The following CHRM3 variants were observed in gnomAD, a reference collection of about 807,000 sequenced individuals.
CHRM3 encodes cholinergic receptor muscarinic 3.
In CHRM3, 11 loss-of-function variants were observed where a neutral mutation model predicts 41.8. The observed-to-expected ratio is 0.26, with a 90% CI of 0.17 to 0.44. The LOEUF is 0.44. Ranked by LOEUF, CHRM3 falls within the 20% of genes least tolerant of loss-of-function variation. CHRM3 has a pLI of 1.00. For missense variants in CHRM3, 571 were observed against 745.4 expected (o/e 0.77, Z 2.72); for synonymous variants, 297 against 301.4 (o/e 0.99, Z 0.15).
chr1:239,438,737 A>G (rs1663467849), intron 1 of CHRM3, among the ~76,000 whole-genome samples: 1 of 152,204 alleles, frequency 6.6e-6, no homozygotes, highest in Admixed American at 6.5e-5. Flanking sequence ...CTTGTAAAGA[A>G]CATCGAGGCT....
At chr1:239,481,718 A>C (rs1666866281) in intron 1 of CHRM3, among the ~76,000 whole-genome samples, 1 of 152,190 alleles carries the variant, frequency 6.6e-6, no homozygotes. Context: ...TGATATTTGA[A>C]CAGCTAATTA....
intron 3 of CHRM3, among the ~76,000 whole-genome samples, chr1:239,590,061 G>A (rs758340809): frequency 5.3e-5 from 8 of 151,960 alleles, no homozygotes; most frequent in Non-Finnish European, 1.0e-4. Flanking sequence ...GATGGTCTTG[G>A]ACCTAAAATC....
chr1:239,866,144 G>A (rs1023306306), intron 6 of CHRM3, among the ~76,000 whole-genome samples: 4 of 152,122 alleles, frequency 2.6e-5, no homozygotes, highest in Non-Finnish European at 5.9e-5. Context: ...TTGGGAGGCC[G>A]GGGCGGGCGG....
rs190047615 is a variant in CHRM3 at position 239,639,293 on chromosome 1, C to A, written c.-250+7007C>A. On this transcript the variant is annotated intron_variant, in intron 4 of 6. Transcript: ENST00000676153. ...AACTTTAAAGTAGTTTTTTCCAATT[C>A]TGTGAAGAAAGTCATTGGTAGCTTG... Among the ~76,000 whole-genome samples, 882 of 152,256 alleles carry A rather than the reference C, an allele frequency of 5.8e-3. 12 individuals are homozygous for A. The highest frequency in any genetic ancestry group is 0.02 in the African/African-American group (831 of 41,536).
intron 6 of CHRM3, among the ~76,000 whole-genome samples, chr1:239,836,304 C>G (rs1232016068): frequency 2.6e-5 from 4 of 152,176 alleles, no homozygotes; most frequent in Non-Finnish European, 1.5e-5. Flanking sequence ...GTGTGTTTTT[C>G]TCCATTCTGT....
intron 4 of CHRM3, among the ~76,000 whole-genome samples, chr1:239,652,342 T>C (rs1336777426): frequency 6.6e-6 from 1 of 152,178 alleles, no homozygotes; most frequent in African/African-American, 2.4e-5. Flanking sequence ...TTAAAGCACA[T>C]AGATCTTGGT....
At position 239,490,363 on chromosome 1, in the gene CHRM3, A is replaced by T. The variant is rs536699180; in HGVS notation, c.-520-2346A>T. Among the ~76,000 whole-genome samples, 413 of 152,280 alleles carry T rather than the reference A, an allele frequency of 2.7e-3. 4 individuals are homozygous for T. The highest frequency in any genetic ancestry group is 9.2e-3 in the African/African-American group (384 of 41,540). ...CTAAATTTATTTATGAAATAAGTGA[A>T]AGGAGCAAACAAAGGTCAAGTCTCA... On this transcript the variant is annotated intron_variant, in intron 1 of 6. Coordinates refer to ENST00000676153, the MANE Select transcript of CHRM3 (RefSeq NM_001375978.1).
At chr1:239,428,488 C>T (rs1662571553) in intron 1 of CHRM3, among the ~76,000 whole-genome samples, 1 of 152,152 alleles carries the variant, frequency 6.6e-6, no homozygotes, top group Non-Finnish European at 1.5e-5. Flanking sequence ...GGGAACAACC[C>T]TATGGAGTAT....
chr1:239,761,252 A>G (rs1275149155), intron 5 of CHRM3, among the ~76,000 whole-genome samples: 1 of 152,084 alleles, frequency 6.6e-6, no homozygotes, highest in Non-Finnish European at 1.5e-5. Context: ...TATGCCTTAT[A>G]TGATTTTCCT....
chr1:239,618,903 T>A (rs529771536), intron 3 of CHRM3, among the ~76,000 whole-genome samples: 6 of 124,088 alleles, frequency 4.8e-5, no homozygotes, highest in African/African-American at 1.9e-4. Context: ...CTCTCTTTTT[T>A]ATGATTTATT....
At chr1:239,750,090 T>C (rs978553015) in intron 5 of CHRM3, among the ~76,000 whole-genome samples, 4 of 152,228 alleles carry the variant, frequency 2.6e-5, no homozygotes, top group African/African-American at 9.6e-5. Flanking sequence ...AGACACACCT[T>C]TTCTTACCAC....
intron 5 of CHRM3, among the ~76,000 whole-genome samples, chr1:239,786,571 G>C (rs2148831534): frequency 6.6e-6 from 1 of 152,324 alleles, no homozygotes; most frequent in South Asian, 2.1e-4. Flanking sequence ...TTCTGTACTA[G>C]TCTGAGATGA....
At chr1:239,775,042 C>A (rs1667982489) in intron 5 of CHRM3, among the ~76,000 whole-genome samples, 1 of 152,108 alleles carries the variant, frequency 6.6e-6, no homozygotes, top group African/African-American at 2.4e-5. Context: ...TTCAGTCTTT[C>A]TAGAGACTCT....
At chr1:239,467,691 T>C (rs1202144507) in intron 1 of CHRM3, among the ~76,000 whole-genome samples, 2 of 152,204 alleles carry the variant, frequency 1.3e-5, no homozygotes, top group African/African-American at 4.8e-5. Flanking sequence ...AGCTTACCTA[T>C]TGGCTTTATT....
intron 2 of CHRM3, among the ~76,000 whole-genome samples, chr1:239,530,257 T>C (rs1670309609): frequency 6.6e-6 from 1 of 152,144 alleles, no homozygotes; most frequent in Non-Finnish European, 1.5e-5. Context: ...ATAGATCAAA[T>C]TAATTAATTG....
chr1:239,456,667 A>T (rs142163443), intron 1 of CHRM3, among the ~76,000 whole-genome samples: 1 of 152,164 alleles, frequency 6.6e-6, no homozygotes, highest in Non-Finnish European at 1.5e-5. Context: ...GAATGGCCCA[A>T]TTGGGGTACC....
intron 5 of CHRM3, among the ~76,000 whole-genome samples, chr1:239,774,816 G>T (rs552166533): frequency 6.6e-6 from 1 of 152,112 alleles, no homozygotes; most frequent in African/African-American, 2.4e-5. Context: ...CAGAGGAAAG[G>T]ACATTGTTTA....
At chr1:239,592,388 A>G (rs1394491236) in intron 3 of CHRM3, among the ~76,000 whole-genome samples, 1 of 152,132 alleles carries the variant, frequency 6.6e-6, no homozygotes, top group Middle Eastern at 3.2e-3. Flanking sequence ...TAATTTTGGT[A>G]CATCTCCATT....
chr1:239,841,321 A>T (rs1429928667), intron 6 of CHRM3, among the ~76,000 whole-genome samples: 1 of 152,060 alleles, frequency 6.6e-6, no homozygotes, highest in African/African-American at 2.4e-5. Context: ...TGCTCTGGAG[A>T]TGAATTTAAA....
Sources: gnomAD v4.1 joint callset for allele counts (sites outside exome capture counted in the v4.1 genomes callset) on GRCh38, gnomAD v4.1.1 for gene constraint, MANE v1.5 for transcripts, NCBI Gene and HGNC (gene_info 2026-07-23, HGNC 2026-07-21) for gene names.